The following PCDHA6 variants were observed in gnomAD, a reference collection of about 807,000 sequenced individuals.
The protein encoded by PCDHA6 is protocadherin alpha-6.
A neutral mutation model predicts 60.3 loss-of-function variants in PCDHA6; 55 were observed. That is an observed-to-expected ratio of 0.91 (90% CI 0.73 to 1.14). The LOEUF is 1.14. Among genes scored for constraint, PCDHA6 ranks in the 50% most tolerant of loss-of-function variants. The pLI is 0.00. For synonymous variants in PCDHA6, 652 were observed against 557.9 expected, an observed-to-expected ratio of 1.17 and a Z score of -2.38; for missense variants, 1,327 against 1,256.5, an observed-to-expected ratio of 1.06 and a Z score of -0.85.
intron 1 of PCDHA6, among the ~76,000 whole-genome samples, chr5:140,939,663 C>T (rs1282923741): frequency 6.6e-6 from 1 of 152,116 alleles, no homozygotes; most frequent in Non-Finnish European, 1.5e-5. Context: ...ACAGGAATAA[C>T]CAACTTGTAT....
Position 140,841,763 on chromosome 5 carries a change from C to T in PCDHA6, c.2394+11278C>T. The T allele has an allele frequency of 1.9e-6, 3 of 1,613,884 alleles. No individual in the cohort carries two copies. The highest frequency in any genetic ancestry group is 1.3e-5 in the African/African-American group (1 of 74,976). ...GCTGTTTGTTTCAGAATCCAGAATG[C>T]CAGACTCTCGGTTTCCGCTAGAGGG... On this transcript the variant is annotated intron_variant, in intron 1 of 3. Transcript: ENST00000529310.
intron 1 of PCDHA6, among the ~76,000 whole-genome samples, chr5:140,962,725 T>C (rs536695569): frequency 3.2e-4 from 48 of 152,210 alleles, no homozygotes; most frequent in Non-Finnish European, 5.9e-4. Flanking sequence ...AGTATTTTCC[T>C]TCTGGGGATG....
At chr5:140,971,322 A>G (rs1344853773) in intron 1 of PCDHA6, among the ~76,000 whole-genome samples, 6 of 152,224 alleles carry the variant, frequency 3.9e-5, no homozygotes, top group Admixed American at 3.9e-4. Context: ...TCTAGGGAGA[A>G]AATTATTTCA....
At chr5:140,914,583 A>C (rs1583912822) in intron 1 of PCDHA6, among the ~76,000 whole-genome samples, 1 of 151,992 alleles carries the variant, frequency 6.6e-6, no homozygotes, top group East Asian at 1.9e-4. Flanking sequence ...CAATAATTTC[A>C]TTTAAGTAGG....
chr5:140,852,052 A>G, intron 1 of PCDHA6: 1 of 915,096 alleles, frequency 1.1e-6, no homozygotes, highest in Non-Finnish European at 1.3e-6. Flanking sequence ...TATGTGGTTT[A>G]TATTTTTCTT....
intron 1 of PCDHA6, among the ~76,000 whole-genome samples, chr5:140,902,647 G>A (rs1286700570): frequency 6.6e-6 from 1 of 150,932 alleles, no homozygotes; most frequent in African/African-American, 2.4e-5. Context: ...CTGAGATTTT[G>A]GTGCACCTGT....
chr5:140,834,360 A>G (rs1554134119), intron 1 of PCDHA6: 1 of 1,549,278 alleles, frequency 6.5e-7, no homozygotes. Context: ...TTTGCTGACT[A>G]GAAAAACAAG....
At chr5:140,875,769 C>A (rs782227729) in intron 1 of PCDHA6, 1 of 1,614,224 alleles carries the variant, frequency 6.2e-7, no homozygotes, top group South Asian at 1.1e-5. Context: ...GCGGGCGGAG[C>A]GCGGAGTGCA....
chr5:140,981,407 C>G (rs1410838924), intron 2 of PCDHA6, among the ~76,000 whole-genome samples: 1 of 152,042 alleles, frequency 6.6e-6, no homozygotes, highest in Non-Finnish European at 1.5e-5. Flanking sequence ...AAACCTGTCT[C>G]TACTAAAAAT....
intron 1 of PCDHA6, chr5:140,849,764 G>C (rs2041112931): frequency 6.3e-6 from 10 of 1,598,402 alleles, no homozygotes; most frequent in Non-Finnish European, 8.6e-6. Context: ...CCTACGAGCT[G>C]GTGGTTACCG....
intron 1 of PCDHA6, among the ~76,000 whole-genome samples, chr5:140,905,373 G>C (rs556428182): frequency 3.1e-4 from 47 of 152,236 alleles, no homozygotes; most frequent in Non-Finnish European, 4.6e-4. Context: ...CTGGTTCTCT[G>C]TTCTGTTTCA....
chr5:140,891,970 C>G (rs1554185021), intron 1 of PCDHA6, among the ~76,000 whole-genome samples: 1 of 152,170 alleles, frequency 6.6e-6, no homozygotes, highest in East Asian at 1.9e-4. Flanking sequence ...AGTAAATTTC[C>G]GTTCTCATAA....
intron 1 of PCDHA6, chr5:140,834,235 C>A: frequency 1.3e-6 from 1 of 779,654 alleles, no homozygotes; most frequent in South Asian, 2.0e-5. Flanking sequence ...GAAGTCATTC[C>A]TTTTCGCACT....
intron 1 of PCDHA6, chr5:140,854,514 T>G (rs1216926538): frequency 1.3e-5 from 2 of 149,996 alleles, no homozygotes; most frequent in Non-Finnish European, 3.0e-5. Flanking sequence ...AACTGATGGA[T>G]TAAGTGACAC....
chr5:140,999,217 A>G (rs2097851437), intron 3 of PCDHA6, among the ~76,000 whole-genome samples: 1 of 152,232 alleles, frequency 6.6e-6, no homozygotes, highest in Non-Finnish European at 1.5e-5. Context: ...TGGAAGTACT[A>G]CATTTGAGAA....
chr5:140,841,405 C>T (rs2150314710), intron 1 of PCDHA6: 41 of 1,612,992 alleles, frequency 2.5e-5, no homozygotes, highest in Non-Finnish European at 3.4e-5. Flanking sequence ...AGGTGGGGAG[C>T]GGCCAGCTCC....
chr5:140,830,363 GT>G lies in PCDHA6; in HGVS notation c.2273del (p.Val758GlyfsTer25). The G allele has an allele frequency of 6.2e-7, 1 of 1,614,138 alleles. No homozygotes were observed. The highest frequency in any genetic ancestry group is 8.5e-7 in the Non-Finnish European group (1 of 1,179,988). On this transcript the variant is annotated frameshift_variant, in exon 1 of 4. Transcript: ENST00000529310. LOFTEE classifies it high-confidence loss of function. ...WSYSQQRRQR[V>X]CSGEGPPKMD... is the part of the protein sequence containing the mutation. Reference sequence around the variant, plus strand: ...GTACTCGCAGCAGAGGCGGCAGAGGGTGTGCTCCGGGGAGGGCCCACCCAAG... The same window carrying G: ...GTACTCGCAGCAGAGGCGGCAGAGGGGTGCTCCGGGGAGGGCCCACCCAAG...
chr5:140,897,671 C>T (rs1329195952), intron 1 of PCDHA6, among the ~76,000 whole-genome samples: 1 of 152,066 alleles, frequency 6.6e-6, no homozygotes, highest in Non-Finnish European at 1.5e-5. Flanking sequence ...GTCTTTATAG[C>T]AGCATGATTT....
intron 1 of PCDHA6, chr5:140,848,383 C>G (rs1781483118): frequency 8.4e-7 from 1 of 1,197,254 alleles, no homozygotes; most frequent in African/African-American, 1.5e-5. Flanking sequence ...TTCTTTTTCA[C>G]TCTCTCTGTG....
Sources: allele counts gnomAD v4.1 joint callset (sites outside exome capture counted in the v4.1 genomes callset), GRCh38; gene constraint gnomAD v4.1.1; transcripts MANE v1.5; gene names NCBI Gene and HGNC (gene_info 2026-07-23, HGNC 2026-07-21).